Variants in CCDC192 observed in about 807,000 individuals in gnomAD.
CCDC192 encodes coiled-coil domain containing 192, also known as coiled-coil domain-containing protein 192.
chr5:127,848,373 T>C (rs1750654742), intron 5 of CCDC192, among the ~76,000 whole-genome samples: 1 of 152,188 alleles, frequency 6.6e-6, no homozygotes, highest in African/African-American at 2.4e-5. Context: ...CCTGTTTGCA[T>C]TTCTGTACTT....
In CCDC192 at chr5:127,741,302, A is replaced by G. The variant is rs539453313; in HGVS notation, c.115-12966A>G. 2.6e-5 allele frequency among the ~76,000 whole-genome samples: 4 copies of G among 152,218 alleles called. No individual in the cohort carries two copies. In the East Asian group the frequency reaches 7.7e-4, roughly 29 times the overall value. On this transcript the variant is annotated intron_variant, in intron 2 of 6. Transcript: ENST00000514853. ...GATCTTGAACTCCTGGGCTCGAGAG[A>G]TCTGTCCATCTTAGCCTCCCAAAAT...
chr5:127,747,023 T>C (rs1212549855), intron 2 of CCDC192, among the ~76,000 whole-genome samples: 2 of 151,824 alleles, frequency 1.3e-5, no homozygotes, highest in Non-Finnish European at 2.9e-5. Flanking sequence ...GGGAAAAAAA[T>C]AAAGCAGAAG....
chr5:127,904,242 G>A (rs1387028311), intron 6 of CCDC192, among the ~76,000 whole-genome samples: 1 of 152,188 alleles, frequency 6.6e-6, no homozygotes, highest in African/African-American at 2.4e-5. Flanking sequence ...CTTCCAAAAA[G>A]AAGACAGCCT....
At chr5:127,915,384 T>G (rs1453598905) in intron 6 of CCDC192, among the ~76,000 whole-genome samples, 1 of 152,148 alleles carries the variant, frequency 6.6e-6, no homozygotes, top group Non-Finnish European at 1.5e-5. Flanking sequence ...CTTCATAAAC[T>G]TTCTTTTTTT....
intron 2 of CCDC192, among the ~76,000 whole-genome samples, chr5:127,718,073 T>C (rs1751744125): frequency 6.6e-6 from 1 of 152,122 alleles, no homozygotes. Flanking sequence ...AAAAAAGATC[T>C]TAGTGATTTA....
intron 5 of CCDC192, among the ~76,000 whole-genome samples, chr5:127,823,107 C>G (rs1749371553): frequency 6.6e-6 from 1 of 152,222 alleles, no homozygotes; most frequent in South Asian, 2.1e-4. Context: ...CTGCTACTCC[C>G]CAAAAGCATC....
rs745946001 is a variant in CCDC192, at chr5:127,783,668, TTTG to T, written c.223-13416_223-13414del. On this transcript the variant is annotated intron_variant, in intron 3 of 6. Coordinates refer to ENST00000514853, the MANE Select transcript of CCDC192 (RefSeq NM_001317938.2). ...TCCAAGGTATAGCTTAAATCCATTGTTTGTTGTTGTTGTTGTTGTTGACTTTCT... is the reference window on the plus strand; with the variant it reads ...TCCAAGGTATAGCTTAAATCCATTGTTTGTTGTTGTTGTTGTTGACTTTCT... Among the ~76,000 whole-genome samples the T allele has an allele frequency of 2.6e-4, 39 of 152,158 alleles. No individual in the cohort carries two copies. The South Asian group carries it at 5.2e-3, about 20-fold the overall frequency.
chr5:127,822,430 C>T (rs1219319533), intron 5 of CCDC192, among the ~76,000 whole-genome samples: 1 of 152,108 alleles, frequency 6.6e-6, no homozygotes, highest in African/African-American at 2.4e-5. Context: ...GACTAAATCT[C>T]TATCCTCAAA....
intron 2 of CCDC192, among the ~76,000 whole-genome samples, chr5:127,718,194 TA>T (rs1367492284): frequency 6.6e-6 from 1 of 152,058 alleles, no homozygotes; most frequent in Admixed American, 6.6e-5. Context: ...TGCAAATGTA[TA>T]AGAAAAAAAA....
chr5:127,705,192 C>T (rs1580500468), intron 1 of CCDC192, among the ~76,000 whole-genome samples: 1 of 152,256 alleles, frequency 6.6e-6, no homozygotes, highest in Admixed American at 6.5e-5. Context: ...TTCTTCCCCC[C>T]TTAATTATTG....
intron 5 of CCDC192, among the ~76,000 whole-genome samples, chr5:127,866,883 G>A (rs188494742): frequency 7.2e-5 from 11 of 152,170 alleles, no homozygotes; most frequent in African/African-American, 2.7e-4. Context: ...CTCCCACTTG[G>A]CTGTTTTCTC....
intron 3 of CCDC192, among the ~76,000 whole-genome samples, chr5:127,796,377 C>A (rs909668964): frequency 1.3e-5 from 2 of 152,094 alleles, no homozygotes; most frequent in Admixed American, 6.6e-5. Context: ...AATTGTGTGT[C>A]CCTTTCCAGG....
intron 3 of CCDC192, among the ~76,000 whole-genome samples, chr5:127,795,433 C>G (rs1405460357): frequency 1.3e-5 from 2 of 151,996 alleles, no homozygotes; most frequent in African/African-American, 4.8e-5. Context: ...TTCTAAGTGT[C>G]TCTGTTGTTT....
At chr5:127,737,618 A>G (rs1753100968) in intron 2 of CCDC192, among the ~76,000 whole-genome samples, 1 of 151,724 alleles carries the variant, frequency 6.6e-6, no homozygotes, top group Non-Finnish European at 1.5e-5. Context: ...GTGCTCCTGT[A>G]TTGGGTGCAT....
At chr5:127,755,634 A>G (rs2126876987) in intron 3 of CCDC192, among the ~76,000 whole-genome samples, 1 of 151,030 alleles carries the variant, frequency 6.6e-6, no homozygotes. Context: ...GGCAAAATTA[A>G]GAATTACCAA....
chr5:127,722,522 G>T (rs749651935), intron 2 of CCDC192, among the ~76,000 whole-genome samples: 29 of 152,128 alleles, frequency 1.9e-4, no homozygotes, highest in African/African-American at 5.8e-4. Context: ...TATTACTCAA[G>T]AAATATTTGC....
chr5:127,837,910 C>G (rs189137384), intron 5 of CCDC192, among the ~76,000 whole-genome samples: 1 of 152,156 alleles, frequency 6.6e-6, no homozygotes, highest in Non-Finnish European at 1.5e-5. Context: ...ATTGCTTGAA[C>G]CCAGGAGGCG....
At chr5:127,938,258 G>A (rs563380543) in intron 6 of CCDC192, among the ~76,000 whole-genome samples, 3 of 152,344 alleles carry the variant, frequency 2.0e-5, no homozygotes, top group East Asian at 1.9e-4. Context: ...CTTTGCTGTG[G>A]TAGTGCATTC....
At chr5:127,778,571 T>G (rs1350240045) in intron 3 of CCDC192, among the ~76,000 whole-genome samples, 4 of 152,182 alleles carry the variant, frequency 2.6e-5, no homozygotes, top group Non-Finnish European at 5.9e-5. Context: ...AGGCTATAGT[T>G]TTCCTGTACT....
Sources: gnomAD v4.1 joint callset for allele counts (sites outside exome capture counted in the v4.1 genomes callset) on GRCh38, gnomAD v4.1.1 for gene constraint, MANE v1.5 for transcripts, NCBI Gene and HGNC (gene_info 2026-07-23, HGNC 2026-07-21) for gene names.